The following IHH variants were observed in gnomAD, a reference collection of about 807,000 sequenced individuals.
IHH encodes the protein indian hedgehog protein.
Under a neutral mutation model 29.4 loss-of-function variants are expected in IHH, and 9 were observed. The observed-to-expected ratio is 0.31, with a 90% confidence interval of 0.18 to 0.53. The LOEUF (loss-of-function observed/expected upper bound fraction) is 0.53. Ranked by LOEUF, IHH falls within the 20% of genes least tolerant of loss-of-function variation. IHH has a pLI of 0.95. For synonymous variants in IHH, 254 were observed against 252.7 expected (o/e 1.01, Z -0.05); for missense variants, 454 against 578.1 (o/e 0.79, Z 2.20).
In IHH at chr2:219,055,272, G is replaced by C; in HGVS notation, c.1171C>G (p.Leu391Val). ...VHWYPQLLYRLGRLLLEEGSF... is the reference protein window; with the variant it reads ...VHWYPQLLYRVGRLLLEEGSF... Reference sequence around the variant, plus strand: ...CCCTCTTCTAGCAGGAGACGCCCCAGGCGGTAGAGCAGCTGGGGGTACCAA... The same window carrying C: ...CCCTCTTCTAGCAGGAGACGCCCCACGCGGTAGAGCAGCTGGGGGTACCAA... The change falls in exon 3 of 3, where the codon CTG becomes GTG. Residue 391 changes from leucine (L) to valine (V), a missense_variant. Physicochemically the swap from Leu to Val is conservative, Grantham distance 32. This residue lies in a region of IHH where 271 missense variants were observed against 315.9 expected (regional missense o/e 0.86). Transcript: ENST00000295731. The C allele has an allele frequency of 6.2e-7, 1 of 1,610,950 alleles. No individual in the cohort carries two copies. The highest frequency in any genetic ancestry group is 8.5e-7 in the Non-Finnish European group (1 of 1,179,056).
rs1441866677 is a variant in IHH at position 219,059,176 on chromosome 2, G to C, written c.315+977C>G. Among the ~76,000 whole-genome samples, 2 of 152,200 alleles carry C rather than the reference G, an allele frequency of 1.3e-5. No individual in the cohort carries two copies. Among genetic ancestry groups the C allele is most frequent in the Non-Finnish European group, 2.9e-5 (2 of 68,038 alleles). On this transcript the variant is annotated intron_variant, in intron 1 of 2. Transcript: ENST00000295731. The surrounding 1 kb of genome is among the most constrained non-coding windows in gnomAD (Gnocchi z 4.7). ...CCAACCTTCGGCCCCGACACTGGCC[G>C]GCCAGCCCCGGCGCCAGGGTGCATG...
chr2:219,054,974 G>A lies in IHH; in HGVS notation c.*233C>T. The A allele has an allele frequency of 1.7e-6, 1 of 582,822 alleles. No individual in the cohort carries two copies. Among genetic ancestry groups the A allele is most frequent in the Non-Finnish European group, 3.1e-6 (1 of 326,302 alleles). 36.1% of individuals were successfully genotyped at this position (582,822 alleles called of 1,614,324 possible). On this transcript the variant is annotated 3_prime_UTR_variant, in exon 3 of 3. Coordinates refer to ENST00000295731, the MANE Select transcript of IHH (RefSeq NM_002181.4). Reference sequence around the variant, plus strand: ...CAGCCTCAAGGTCTCTAGGAGAGAGGGGTCAACAACCATCCCCTCGCCAGC... The same window carrying A: ...CAGCCTCAAGGTCTCTAGGAGAGAGAGGTCAACAACCATCCCCTCGCCAGC...
chr2:219,056,578 T>C (rs932515552), intron 2 of IHH, among the ~76,000 whole-genome samples: 4 of 152,024 alleles, frequency 2.6e-5, no homozygotes, highest in Non-Finnish European at 5.9e-5. Flanking sequence ...AGGGGAAGTA[T>C]TGAGTGGAAG....
chr2:219,056,296 TAGGGATGTGAGAGG>T (rs1244027882), intron 2 of IHH, among the ~76,000 whole-genome samples: 1 of 152,096 alleles, frequency 6.6e-6, no homozygotes, highest in Admixed American at 6.5e-5. Context: ...CCTTTGAATG[TAGGGATGTGAGAGG>T]AGCCCACCCA....
At chr2:219,058,510 C>T (rs1463863877) in intron 1 of IHH, among the ~76,000 whole-genome samples, 2 of 152,164 alleles carry the variant, frequency 1.3e-5, no homozygotes, top group Non-Finnish European at 2.9e-5. Flanking sequence ...GCCCCTATAC[C>T]GTAGGAAGGA....
At chr2:219,057,317 C>G in intron 2 of IHH, 116 bp downstream of exon 2, 3 of 1,232,860 alleles carry the variant, frequency 2.4e-6, no homozygotes, top group Non-Finnish European at 2.3e-6. Flanking sequence ...CTGATGTCCT[C>G]TTCCCCCGGA....
rs1329897965 is a variant in IHH, at chr2:219,059,494, A to G, written c.315+659T>C. 3.9e-5 allele frequency among the ~76,000 whole-genome samples: 6 copies of G among 152,068 alleles called. No individual in the cohort carries two copies. Among genetic ancestry groups the G allele is most frequent in the Admixed American group, 6.5e-5 (1 of 15,278 alleles). On this transcript the variant is annotated intron_variant, in intron 1 of 2. Coordinates refer to ENST00000295731, the MANE Select transcript of IHH (RefSeq NM_002181.4). The surrounding 1 kb of genome is among the most constrained non-coding windows in gnomAD (Gnocchi z 4.7). ...CCAGGAATCCCCTAAGCTCAGTCCC[A>G]GAGCCCGAAGGCCCCAATAACCCAC...
chr2:219,060,054 G>A lies in IHH; in HGVS notation c.315+99C>T, dbSNP rs1253180246. ...TGGCGAGAGGGGCAGGTGCCAGGGA[G>A]CGTGCCAGCCAGTCGAGAAAATGTG... On this transcript the variant is annotated intron_variant, in intron 1 of 2. Coordinates refer to ENST00000295731, the MANE Select transcript of IHH (RefSeq NM_002181.4). The surrounding 1 kb of genome is among the most constrained non-coding windows in gnomAD (Gnocchi z 8.8). The A allele has an allele frequency of 2.0e-5, 21 of 1,064,416 alleles. No individual in the cohort carries two copies. Among genetic ancestry groups the A allele is most frequent in the Non-Finnish European group, 2.9e-5 (21 of 724,596 alleles). 65.9% of individuals were successfully genotyped at this position (1,064,416 alleles called of 1,614,324 possible). A position where few individuals can be genotyped will look rare whatever the true frequency, so the allele number is the denominator to read the frequency against.
Position 219,060,291 on chromosome 2 carries a change from C to T in IHH, c.177G>A (p.Lys59=), listed in dbSNP as rs1356141950. ...YKQFSPNVPE[K]TLGASGRYEG... is the part of the protein sequence containing the mutation. ...CATAGCGTCCGCTGGCGCCCAGGGTCTTCTCGGGCACATTGGGGCTGAACT... is the reference window on the plus strand; with the variant it reads ...CATAGCGTCCGCTGGCGCCCAGGGTTTTCTCGGGCACATTGGGGCTGAACT... Residue 59 remains lysine (K), a synonymous_variant, in exon 1 of 3, where the codon AAG becomes AAA. Coordinates refer to ENST00000295731, the MANE Select transcript of IHH (RefSeq NM_002181.4). The surrounding 1 kb of genome is among the most constrained non-coding windows in gnomAD (Gnocchi z 8.8). The T allele has an allele frequency of 6.2e-7, 1 of 1,613,342 alleles. No individual in the cohort carries two copies. Among genetic ancestry groups the T allele is most frequent in the South Asian group, 1.1e-5 (1 of 91,078 alleles).
chr2:219,060,495 C>T lies in IHH; in HGVS notation c.-28G>A, dbSNP rs780285984. 1.4e-6 allele frequency: 2 copies of T among 1,429,904 alleles called. No homozygotes were observed. Among genetic ancestry groups the T allele is most frequent in the Non-Finnish European group, 1.8e-6 (2 of 1,095,530 alleles). The allele number at this position is 1,429,904 out of a possible 1,614,324, so 88.6% of individuals were successfully genotyped here. A position where few individuals can be genotyped will look rare whatever the true frequency, so the allele number is the denominator to read the frequency against. On this transcript the variant is annotated 5_prime_UTR_variant, in exon 1 of 3. Transcript: ENST00000295731. This position sits in a 1 kb window ranked among gnomAD's most constrained non-coding sequence, Gnocchi z 8.8. The stretch of plus-strand genomic sequence containing the variant: ...CCGGGGAGCCCGGGGGAGCGGCGGG[C>T]GAGGTCTCCTGGTGGGCTGATGGGC...
chr2:219,055,587 G>A lies in IHH; in HGVS notation c.856C>T (p.Pro286Ser), dbSNP rs775460776. 1 of 1,613,560 alleles carries A rather than the reference G, an allele frequency of 6.2e-7. No homozygotes were observed. The highest frequency in any genetic ancestry group is 1.1e-5 in the South Asian group (1 of 91,086). The change falls in exon 3 of 3, where the codon CCG (proline) becomes TCG (serine). Residue 286 changes from proline (P) to serine (S), a missense_variant. Coordinates refer to ENST00000295731, the MANE Select transcript of IHH (RefSeq NM_002181.4). ...LLFTADNHTE[P>S]AARFRATFAS... ...AATGTGGCCCGGAAGCGGGCTGCCG[G>A]CTCCGTGTGATTGTCAGCCGTAAAG...
chr2:219,058,381 A>G (rs934260717), intron 1 of IHH, among the ~76,000 whole-genome samples: 1 of 152,352 alleles, frequency 6.6e-6, no homozygotes, highest in Non-Finnish European at 1.5e-5. Context: ...CCAGGGAACC[A>G]GAAACCGGCG....
At chr2:219,056,961 C>G (rs778519627) in intron 2 of IHH, among the ~76,000 whole-genome samples, 1 of 152,196 alleles carries the variant, frequency 6.6e-6, no homozygotes, top group African/African-American at 2.4e-5. Context: ...AGGTTGGGGA[C>G]GCCTGCGCCC....
At position 219,055,641 on chromosome 2, in the gene IHH, G is replaced by A. The variant is rs779327335; in HGVS notation, c.802C>T (p.Arg268Cys). The A allele has an allele frequency of 3.7e-5, 60 of 1,614,068 alleles. 2 individuals carry two copies. The highest frequency in any genetic ancestry group is 3.6e-4 in the South Asian group (33 of 91,090). Residue 268 changes from arginine to cysteine, a missense_variant, in exon 3 of 3, where the codon CGC (arginine) becomes TGC (cysteine). Coordinates refer to ENST00000295731, the MANE Select transcript of IHH (RefSeq NM_002181.4). ...AGGTGAGCGGGTGTGAGTGCCAGGCGGCGTGGGGGGTCCTGAGTCTCGATG... is the reference window on the plus strand; with the variant it reads ...AGGTGAGCGGGTGTGAGTGCCAGGCAGCGTGGGGGGTCCTGAGTCTCGATG... ...QVIETQDPPR[R>C]LALTPAHLLF...
At position 219,054,933 on chromosome 2, in the gene IHH, T is replaced by A. The variant is rs1214918251; in HGVS notation, c.*274A>T. 1 of 497,128 alleles carries A rather than the reference T, an allele frequency of 2.0e-6. No individual in the cohort carries two copies. Among genetic ancestry groups the A allele is most frequent in the Non-Finnish European group, 3.6e-6 (1 of 275,934 alleles). 30.8% of individuals were successfully genotyped at this position (497,128 alleles called of 1,614,324 possible). On this transcript the variant is annotated 3_prime_UTR_variant, in exon 3 of 3. Transcript: ENST00000295731. ...AAACTCGTAGTGAGAGCAGGCTGAG[T>A]TGGGAGTCGCCGTGCCAGCCTCAAG...
intron 1 of IHH, among the ~76,000 whole-genome samples, chr2:219,058,388 G>C (rs988711751): frequency 6.6e-6 from 1 of 152,212 alleles, no homozygotes; most frequent in Non-Finnish European, 1.5e-5. Flanking sequence ...ACCAGAAACC[G>C]GCGGATTAGC....
chr2:219,060,701 T>C lies in IHH; in HGVS notation c.-234A>G, dbSNP rs915458279. 6.7e-6 allele frequency among the ~76,000 whole-genome samples: 1 copy of C among 149,498 alleles called. No individual in the cohort carries two copies. Among genetic ancestry groups the C allele is most frequent in the African/African-American group, 2.4e-5 (1 of 40,826 alleles). The stretch of plus-strand genomic sequence containing the variant: ...CCCCCTCGGCGCCTCGACTCTGAGC[T>C]GCCGGGCTCGCCGGCCGCCAATAAA... On this transcript the variant is annotated 5_prime_UTR_variant, in exon 1 of 3. Coordinates refer to ENST00000295731, the MANE Select transcript of IHH (RefSeq NM_002181.4). The surrounding 1 kb of genome is among the most constrained non-coding windows in gnomAD (Gnocchi z 8.8).
chr2:219,055,457 T>C lies in IHH; in HGVS notation c.986A>G (p.Tyr329Cys). 6.2e-7 allele frequency: 1 copy of C among 1,611,564 alleles called. No individual in the cohort carries two copies. The change falls in exon 3 of 3, where the codon TAC (tyrosine) becomes TGC (cysteine). Residue 329 changes from tyrosine (Y) to cysteine (C), a missense_variant. Physicochemically the swap from Tyr to Cys is radical, Grantham distance 194. Around this residue, in one of 3 missense-constraint regions of IHH, gnomAD observed 271 missense variants for 315.9 expected, o/e 0.86. Transcript: ENST00000295731. ...AVSTHVALGAYAPLTKHGTLV... is the reference protein window; with the variant it reads ...AVSTHVALGACAPLTKHGTLV... ...TGTCCCATGCTTTGTGAGCGGGGCG[T>C]AGGCCCCGAGGGCCACGTGTGTAGA... is the stretch of plus-strand genomic sequence containing the variant.
Position 219,055,319 on chromosome 2 carries a change from C to A in IHH, c.1124G>T (p.Trp375Leu). 1 of 1,613,114 alleles carries A rather than the reference C, an allele frequency of 6.2e-7. No homozygotes were observed. Among genetic ancestry groups the A allele is most frequent in the Non-Finnish European group, 8.5e-7 (1 of 1,179,954 alleles). Reference sequence around the variant, plus strand: ...CCAATGCACACCCTCCCCCGGAGTCCAGCTGCCCCATGCCAAGCTGTGAAA... The same window carrying A: ...CCAATGCACACCCTCCCCCGGAGTCAAGCTGCCCCATGCCAAGCTGTGAAA... ...RLFHSLAWGS[W>L]TPGEGVHWYP... The change falls in exon 3 of 3, where the codon TGG becomes TTG. Residue 375 changes from tryptophan (W) to leucine (L), a missense_variant. Physicochemically the swap from Trp to Leu is moderately conservative, Grantham distance 61 (BLOSUM62 -2). Around this residue, in one of 3 missense-constraint regions of IHH, gnomAD observed 271 missense variants for 315.9 expected, o/e 0.86. Transcript: ENST00000295731.
Sources: gnomAD v4.1 joint callset for allele counts (sites outside exome capture counted in the v4.1 genomes callset) on GRCh38, gnomAD v4.1.1 for gene constraint, gnomAD v4.1.1 regional missense constraint, Gnocchi (gnomAD v3.1) non-coding constraint, MANE v1.5 for transcripts, NCBI Gene and HGNC (gene_info 2026-07-23, HGNC 2026-07-21) for gene names.